The following HDAC4 variants were observed in gnomAD, a reference collection of about 807,000 sequenced individuals.
HDAC4 encodes histone deacetylase 4, also known as histone deacetylase A.
Under a neutral mutation model 135.1 loss-of-function variants are expected in HDAC4, and 16 were observed. That is an observed-to-expected ratio of 0.12 (90% confidence interval 0.08 to 0.18). The LOEUF is 0.18. Ranked by LOEUF, HDAC4 falls within the 10% of genes least tolerant of loss-of-function variation. HDAC4 has a pLI of 1.00. For missense variants in HDAC4, 1,143 were observed against 1,511.8 expected (o/e 0.76, Z 4.05); for synonymous variants, 685 against 653.4 (o/e 1.05, Z -0.74).
chr2:239,206,738 T>G (rs1343141431), intron 3 of HDAC4, among the ~76,000 whole-genome samples: 1 of 151,050 alleles, frequency 6.6e-6, no homozygotes, highest in Admixed American at 6.6e-5. Context: ...AATCACAGTG[T>G]ATGAACACTG....
At chr2:239,301,617 A>T (rs2052277666) in intron 2 of HDAC4, among the ~76,000 whole-genome samples, 1 of 151,898 alleles carries the variant, frequency 6.6e-6, no homozygotes, top group African/African-American at 2.4e-5. Context: ...AACAGCTGGG[A>T]CTACAGACGC....
chr2:239,325,614 T>C (rs1404327402), intron 2 of HDAC4, among the ~76,000 whole-genome samples: 4 of 152,170 alleles, frequency 2.6e-5, no homozygotes, highest in African/African-American at 7.2e-5. Context: ...TCATACGTGG[T>C]GGGCAGGAAC....
chr2:239,341,165 C>G (rs779981136), intron 2 of HDAC4, among the ~76,000 whole-genome samples: 4 of 152,242 alleles, frequency 2.6e-5, no homozygotes, highest in Non-Finnish European at 5.9e-5. Flanking sequence ...ACTAGTACAT[C>G]AGAAAGAAAA....
At chr2:239,340,386 G>C (rs182297384) in intron 2 of HDAC4, among the ~76,000 whole-genome samples, 2 of 152,348 alleles carry the variant, frequency 1.3e-5, no homozygotes, top group East Asian at 3.9e-4. Context: ...AGAAGCTACA[G>C]AGGGGCCCCA....
intron 22 of HDAC4, among the ~76,000 whole-genome samples, chr2:239,073,272 C>T (rs1046945245): frequency 2.6e-5 from 4 of 152,202 alleles, no homozygotes; most frequent in African/African-American, 4.8e-5. Flanking sequence ...CCTGCCTCTG[C>T]GGCAGCTGTA....
Position 239,348,115 on chromosome 2 carries a change from T to A in HDAC4, c.22+4563A>T, listed in dbSNP as rs181680396. On this transcript the variant is annotated intron_variant, in intron 2 of 26. Coordinates refer to ENST00000543185, the MANE Select transcript of HDAC4 (RefSeq NM_001378414.1). ...CCACTGCTTCCTATCGAGAGCATCA[T>A]CCCGGTGACCACAGACACGTCCCAG... Among the ~76,000 whole-genome samples, 750 of 149,166 alleles carry A rather than the reference T, an allele frequency of 5.0e-3. 6 individuals are homozygous for A. The highest frequency in any genetic ancestry group is 0.017 in the African/African-American group (685 of 39,920).
Position 239,080,224 on chromosome 2 carries a change from C to T in HDAC4, c.2750+871G>A, listed in dbSNP as rs1259666225. ...CACGTCACAAAGACACGTCTGCACACGTGCGTTTTATATGTATGTAAATCA... is the reference window on the plus strand; with the variant it reads ...CACGTCACAAAGACACGTCTGCACATGTGCGTTTTATATGTATGTAAATCA... On this transcript the variant is annotated intron_variant, in intron 22 of 26. Coordinates refer to ENST00000543185, the MANE Select transcript of HDAC4 (RefSeq NM_001378414.1). Among the ~76,000 whole-genome samples the T allele has an allele frequency of 2.6e-5, 4 of 152,226 alleles. No individual in the cohort carries two copies. The East Asian group carries it at 5.8e-4, about 22-fold the overall frequency.
chr2:239,063,268 T>G (rs1359358332), intron 24 of HDAC4, among the ~76,000 whole-genome samples: 2 of 151,820 alleles, frequency 1.3e-5, no homozygotes, highest in Non-Finnish European at 2.9e-5. Context: ...TGGCGCGATC[T>G]CGGCTCACTG....
chr2:239,053,001 C>T lies in HDAC4; in HGVS notation c.*96G>A. 6.9e-7 allele frequency: 1 copy of T among 1,450,256 alleles called. No individual in the cohort carries two copies. Among genetic ancestry groups the T allele is most frequent in the Non-Finnish European group, 9.7e-7 (1 of 1,030,954 alleles). 89.8% of individuals were successfully genotyped at this position (1,450,256 alleles called of 1,614,324 possible). On this transcript the variant is annotated 3_prime_UTR_variant, in exon 27 of 27. Transcript: ENST00000543185. ...GGTGTCCCTGGGTGCTCCAAGAGAG[C>T]CCCACGGTGGGACGCAGGCGTGACA...
intron 2 of HDAC4, among the ~76,000 whole-genome samples, chr2:239,302,777 T>C (rs1275943873): frequency 1.3e-5 from 2 of 152,198 alleles, no homozygotes; most frequent in African/African-American, 2.4e-5. Flanking sequence ...CCATCGCTGC[T>C]CAAGGCAGTC....
chr2:239,194,341 A>T (rs1000578689), intron 3 of HDAC4, among the ~76,000 whole-genome samples: 1 of 152,228 alleles, frequency 6.6e-6, no homozygotes, highest in South Asian at 2.1e-4. Flanking sequence ...CTGCAAATTA[A>T]TTCAAATTTC....
chr2:239,098,954 G>A (rs2037367210), intron 16 of HDAC4, among the ~76,000 whole-genome samples: 1 of 152,194 alleles, frequency 6.6e-6, no homozygotes, highest in Non-Finnish European at 1.5e-5. Context: ...ACAAGAAATA[G>A]AATGATCAAC....
intron 2 of HDAC4, among the ~76,000 whole-genome samples, chr2:239,282,344 CCACA>C (rs2050829732): frequency 8.6e-6 from 1 of 115,644 alleles, no homozygotes; most frequent in African/African-American, 3.3e-5. Context: ...ACACCACTCT[CCACA>C]CAATGTACAC....
At chr2:239,199,266 C>G (rs583445) in intron 3 of HDAC4, among the ~76,000 whole-genome samples, 81,494 of 151,564 alleles carry the variant, frequency 0.54, 23,305 homozygotes, top group South Asian at 0.62. Context: ...GCTTAGACTT[C>G]CCAGCAAGGC....
chr2:239,382,961 C>T (rs1034512471), intron 1 of HDAC4, among the ~76,000 whole-genome samples: 1 of 152,100 alleles, frequency 6.6e-6, no homozygotes. Flanking sequence ...AACTCCTGAC[C>T]TCAGGTGATC....
intron 9 of HDAC4, among the ~76,000 whole-genome samples, chr2:239,138,071 A>C (rs973476899): frequency 2.0e-5 from 3 of 152,222 alleles, no homozygotes; most frequent in African/African-American, 7.2e-5. Flanking sequence ...AGATGCAACC[A>C]GTGTTAACCT....
chr2:239,107,973 G>A, intron 15 of HDAC4, 77 bp downstream of exon 15: 2 of 1,574,608 alleles, frequency 1.3e-6, no homozygotes, highest in Non-Finnish European at 1.7e-6. Context: ...CCAACACCCT[G>A]AATCACGCGG....
At chr2:239,122,964 G>A (rs1045438365) in intron 12 of HDAC4, among the ~76,000 whole-genome samples, 1 of 151,988 alleles carries the variant, frequency 6.6e-6, no homozygotes, top group African/African-American at 2.4e-5. Context: ...AGGAAGGGCC[G>A]GGACGTCAGT....
intron 24 of HDAC4, among the ~76,000 whole-genome samples, chr2:239,063,701 G>A (rs777971126): frequency 6.6e-6 from 1 of 152,104 alleles, no homozygotes; most frequent in African/African-American, 2.4e-5. Context: ...CCACACCTGC[G>A]AGAGCCCAAC....
Sources: allele counts gnomAD v4.1 joint callset (sites outside exome capture counted in the v4.1 genomes callset), GRCh38; gene constraint gnomAD v4.1.1; transcripts MANE v1.5; gene names NCBI Gene and HGNC (gene_info 2026-07-23, HGNC 2026-07-21).